Variants in CPPED1 observed in about 807,000 individuals in gnomAD.
CPPED1 encodes calcineurin like phosphoesterase domain containing 1.
CPPED1 carries 28 observed loss-of-function variants against 28.0 expected under a neutral mutation model. The observed-to-expected ratio is 1.00, with a 90% CI of 0.74 to 1.37. CPPED1 has a LOEUF of 1.37. Ranked by LOEUF, CPPED1 falls within the 40% of genes most tolerant of loss-of-function variation. The pLI is 0.00. For missense variants in CPPED1, 504 were observed against 416.5 expected (o/e 1.21, Z -1.83); for synonymous variants, 198 against 180.2 (o/e 1.10, Z -0.79).
intron 3 of CPPED1, among the ~76,000 whole-genome samples, chr16:12,671,880 C>T (rs933406051): frequency 4.6e-5 from 7 of 152,114 alleles, no homozygotes; most frequent in Non-Finnish European, 1.0e-4. Flanking sequence ...CAAATCCCTA[C>T]CATGGACGTT....
chr16:12,720,333 A>T (rs1482531929), intron 2 of CPPED1: 1 of 154,342 alleles, frequency 6.5e-6, no homozygotes, highest in Middle Eastern at 5.1e-4. Context: ...CTGTACCTGA[A>T]ACCAAGCACC....
At chr16:12,744,918 T>C (rs548312277) in intron 2 of CPPED1, among the ~76,000 whole-genome samples, 12 of 152,102 alleles carry the variant, frequency 7.9e-5, no homozygotes, top group East Asian at 5.8e-4. Context: ...GCCCAGGAGG[T>C]TGAGGTTGCA....
intron 2 of CPPED1, among the ~76,000 whole-genome samples, chr16:12,719,376 G>C (rs1261107091): frequency 6.7e-6 from 1 of 150,204 alleles, no homozygotes; most frequent in Non-Finnish European, 1.5e-5. Flanking sequence ...GGGCGAAAGA[G>C]CGAGACTGCG....
rs1190207481 is a variant in CPPED1, at chr16:12,682,463, G to T, written c.716-17348C>A. ...CTGTATTTTTTTAATACTAATATTT[G>T]GTTGTCAGAAAAGCAGTGGCAGCCT... On this transcript the variant is annotated intron_variant, in intron 3 of 3. Transcript: ENST00000381774. The surrounding 1 kb of genome is among the most constrained non-coding windows in gnomAD (Gnocchi z 6.1). Among the ~76,000 whole-genome samples, 2 of 152,140 alleles carry T rather than the reference G, an allele frequency of 1.3e-5. No homozygotes were observed. The highest frequency in any genetic ancestry group is 4.8e-5 in the African/African-American group (2 of 41,414).
At chr16:12,795,902 G>C (rs1024803852) in intron 1 of CPPED1, among the ~76,000 whole-genome samples, 1 of 152,014 alleles carries the variant, frequency 6.6e-6, no homozygotes, top group East Asian at 1.9e-4. Context: ...TGGCCAACAT[G>C]GTAAAATCCC....
At chr16:12,705,134 T>G in intron 2 of CPPED1, 85 bp from the exon 3 acceptor site, 1 of 1,378,888 alleles carries the variant, frequency 7.3e-7, no homozygotes, top group Non-Finnish European at 9.8e-7. Flanking sequence ...AACATAAAAT[T>G]TAAAAAAAGA....
intron 2 of CPPED1, among the ~76,000 whole-genome samples, chr16:12,718,084 C>T (rs75517757): frequency 0.034 from 5,151 of 152,272 alleles, 129 homozygotes; most frequent in East Asian, 0.1. Context: ...CCAGTAGATA[C>T]AGCAAGAACT....
rs1156761141 is a variant in CPPED1, at chr16:12,704,813, T to C, written c.526A>G (p.Ser176Gly). 1 of 1,614,092 alleles carries C rather than the reference T, an allele frequency of 6.2e-7. No homozygotes were observed. The highest frequency in any genetic ancestry group is 2.2e-5 in the East Asian group (1 of 44,898). The part of the protein sequence containing the change: ...QFYENPSKCP[S>G]LKQAQDQWLD... ...CACTGGTCCTGAGCCTGCTTCAGGC[T>C]GGGGCATTTGGAGGGGTTCTCGTAG... The change falls in exon 3 of 4, where the codon AGC becomes GGC. Residue 176 changes from serine (S) to glycine (G), a missense_variant. Coordinates refer to ENST00000381774, the MANE Select transcript of CPPED1 (RefSeq NM_018340.3).
intron 2 of CPPED1, among the ~76,000 whole-genome samples, chr16:12,736,408 T>G (rs2080227104): frequency 6.6e-6 from 1 of 152,028 alleles, no homozygotes; most frequent in Admixed American, 6.6e-5. Flanking sequence ...CCTGGCTAAT[T>G]TTTGTATTTT....
At position 12,704,879 on chromosome 16, in the gene CPPED1, A is replaced by G; in HGVS notation, c.460T>C (p.Trp154Arg). 3 of 1,614,204 alleles carry G rather than the reference A, an allele frequency of 1.9e-6. No individual in the cohort carries two copies. Among genetic ancestry groups the G allele is most frequent in the Non-Finnish European group, 2.5e-6 (3 of 1,180,026 alleles). ...RTWGDDYFSF[W>R]VGGVLFLVLN... ...ACCAGGAACAGGACGCCCCCGACCC[A>G]GAAGCTGAAGTAGTCATCTCCCCAA... The change falls in exon 3 of 4, where the codon TGG becomes CGG. Residue 154 changes from tryptophan to arginine, a missense_variant. Coordinates refer to ENST00000381774, the MANE Select transcript of CPPED1 (RefSeq NM_018340.3).
intron 3 of CPPED1, among the ~76,000 whole-genome samples, chr16:12,692,412 T>C (rs1445932868): frequency 6.6e-6 from 1 of 152,186 alleles, no homozygotes. Context: ...CGTCCAGTCA[T>C]TTAAAACATT....
At chr16:12,683,609 T>C (rs923676147) in intron 3 of CPPED1, among the ~76,000 whole-genome samples, 3 of 152,164 alleles carry the variant, frequency 2.0e-5, no homozygotes, top group Non-Finnish European at 2.9e-5. Context: ...TGGAGCACCA[T>C]GCAGTCATCC....
intron 3 of CPPED1, among the ~76,000 whole-genome samples, chr16:12,677,052 G>A (rs1333537010): frequency 6.6e-6 from 1 of 152,184 alleles, no homozygotes; most frequent in Non-Finnish European, 1.5e-5. Flanking sequence ...ACGAGCGAGT[G>A]AAGAGAGTCA....
intron 3 of CPPED1, among the ~76,000 whole-genome samples, chr16:12,676,802 G>C (rs1348057234): frequency 2.0e-5 from 3 of 152,112 alleles, no homozygotes; most frequent in African/African-American, 7.2e-5. Flanking sequence ...TTCATTATCT[G>C]TCTAGACATT....
At chr16:12,676,603 T>C (rs1319871608) in intron 3 of CPPED1, among the ~76,000 whole-genome samples, 2 of 152,146 alleles carry the variant, frequency 1.3e-5, no homozygotes, top group Non-Finnish European at 2.9e-5. Flanking sequence ...GTCCACCATC[T>C]GAGAGGTGCA....
At chr16:12,801,047 C>T (rs1350920477) in intron 1 of CPPED1, among the ~76,000 whole-genome samples, 2 of 152,168 alleles carry the variant, frequency 1.3e-5, no homozygotes, top group Non-Finnish European at 2.9e-5. Flanking sequence ...CTCCACCATA[C>T]TGGACAGTGC....
At position 12,682,873 on chromosome 16, in the gene CPPED1, G is replaced by T. The variant is rs1596444207; in HGVS notation, c.716-17758C>A. Among the ~76,000 whole-genome samples, 2 of 152,212 alleles carry T rather than the reference G, an allele frequency of 1.3e-5. No homozygotes were observed. Among genetic ancestry groups the T allele is most frequent in the East Asian group, 1.9e-4 (1 of 5,200 alleles). ...AATGGAGCGTGGGGCCCACATTAAGGTTTCAATCCAGAATGGACAATTTTC... is the reference window on the plus strand; with the variant it reads ...AATGGAGCGTGGGGCCCACATTAAGTTTTCAATCCAGAATGGACAATTTTC... On this transcript the variant is annotated intron_variant, in intron 3 of 3. Coordinates refer to ENST00000381774, the MANE Select transcript of CPPED1 (RefSeq NM_018340.3). The surrounding 1 kb of genome is among the most constrained non-coding windows in gnomAD (Gnocchi z 6.1).
At chr16:12,789,925 G>A (rs972108537) in intron 1 of CPPED1, among the ~76,000 whole-genome samples, 2 of 152,134 alleles carry the variant, frequency 1.3e-5, no homozygotes, top group Non-Finnish European at 2.9e-5. Context: ...GTTGTATAGA[G>A]AATAACAAGA....
intron 2 of CPPED1, among the ~76,000 whole-genome samples, chr16:12,713,612 C>T (rs142599126): frequency 2.0e-5 from 3 of 152,268 alleles, no homozygotes; most frequent in Non-Finnish European, 4.4e-5. Context: ...CTGCCTGCCT[C>T]AGCCTCTTAA....
Sources: allele counts gnomAD v4.1 joint callset (sites outside exome capture counted in the v4.1 genomes callset), GRCh38; gene constraint gnomAD v4.1.1; non-coding constraint Gnocchi (gnomAD v3.1); transcripts MANE v1.5; gene names NCBI Gene and HGNC (gene_info 2026-07-23, HGNC 2026-07-21).